Variants in SAMMSON observed in about 807,000 individuals in gnomAD.
The protein encoded by SAMMSON is survival associated mitochondrial melanoma specific oncogenic non-coding RNA, also known as long intergenic non-protein coding RNA 1212.
chr3:70,338,706 A>T (rs1702685828), intron 7 of SAMMSON, among the ~76,000 whole-genome samples: 1 of 152,146 alleles, frequency 6.6e-6, no homozygotes, highest in African/African-American at 2.4e-5. Context: ...GATATGAAGG[A>T]CCTCTTCAAG....
rs74410870 is a variant in SAMMSON, at chr3:70,322,457, T to C, written n.739+31214T>C. On this transcript the variant is annotated intron_variant and non_coding_transcript_variant, in intron 7 of 9. Coordinates refer to ENST00000642114, the Ensembl canonical transcript of SAMMSON. ...GTAGTTCCAAGATCTCCTCCCCAAA[T>C]AGGACAGACAACCATGCTTTCTTTC... is the stretch of plus-strand genomic sequence containing the variant. Among the ~76,000 whole-genome samples, 412 of 152,220 alleles carry C rather than the reference T, an allele frequency of 2.7e-3. 2 individuals carry two copies. The highest frequency in any genetic ancestry group is 4.8e-3 in the Non-Finnish European group (325 of 67,970).
At chr3:70,066,574 G>A (rs2067211035) in intron 3 of SAMMSON, among the ~76,000 whole-genome samples, 1 of 152,036 alleles carries the variant, frequency 6.6e-6, no homozygotes, top group Non-Finnish European at 1.5e-5. Flanking sequence ...AACTAAATTA[G>A]CATCATTTCC....
At chr3:70,240,388 T>A (rs1701655816) in intron 4 of SAMMSON, among the ~76,000 whole-genome samples, 1 of 152,106 alleles carries the variant, frequency 6.6e-6, no homozygotes, top group East Asian at 1.9e-4. Flanking sequence ...GTGAGCTATG[T>A]GGTTTTTTGT....
intron 4 of SAMMSON, among the ~76,000 whole-genome samples, chr3:70,084,476 T>C (rs1037774192): frequency 1.3e-5 from 2 of 152,212 alleles, no homozygotes; most frequent in Non-Finnish European, 2.9e-5. Context: ...AGATTATTTT[T>C]CTTCCTCATT....
chr3:70,394,011 A>AGCCCAGGTGAAGGGTAGTAGT (rs1559579845), downstream of SAMMSON, among the ~76,000 whole-genome samples: 1 of 152,160 alleles, frequency 6.6e-6, no homozygotes, highest in African/African-American at 2.4e-5. Context: ...CTTTCCAGTG[A>AGCCCAGGTGAAGGGTAGTAGT]GCCCAGGTGA....
At chr3:70,047,483 C>T (rs2067131313) in intron 3 of SAMMSON, among the ~76,000 whole-genome samples, 1 of 151,830 alleles carries the variant, frequency 6.6e-6, no homozygotes, top group Admixed American at 6.6e-5. Flanking sequence ...ACTACAGGCA[C>T]ACACCTCCAT....
At chr3:70,276,527 T>G (rs9310188) in intron 6 of SAMMSON, among the ~76,000 whole-genome samples, 2 of 152,006 alleles carry the variant, frequency 1.3e-5, no homozygotes, top group African/African-American at 4.8e-5. Flanking sequence ...ATTCATTCCA[T>G]GTTTATTTAG....
chr3:70,228,359 A>G (rs1701527785), intron 4 of SAMMSON, among the ~76,000 whole-genome samples: 1 of 152,070 alleles, frequency 6.6e-6, no homozygotes. Context: ...CAAGTAATTC[A>G]TCTTCAGGAT....
At chr3:70,056,778 T>C (rs2067169534) in intron 3 of SAMMSON, among the ~76,000 whole-genome samples, 1 of 152,030 alleles carries the variant, frequency 6.6e-6, no homozygotes. Context: ...ACAGCCCTAA[T>C]CCAGATACTC....
chr3:70,357,548 G>A (rs1486350243), intron 8 of SAMMSON, among the ~76,000 whole-genome samples: 3 of 151,954 alleles, frequency 2.0e-5, no homozygotes, highest in Non-Finnish European at 4.4e-5. Context: ...AGAGCACATG[G>A]ACACAGAGTG....
At chr3:70,296,660 AT>A (rs901898588) in intron 7 of SAMMSON, among the ~76,000 whole-genome samples, 7 of 152,080 alleles carry the variant, frequency 4.6e-5, no homozygotes, top group African/African-American at 1.7e-4. Flanking sequence ...CCCACAGCCA[AT>A]TACCAGCAAG....
At chr3:70,299,293 A>G (rs1455469378) in intron 7 of SAMMSON, among the ~76,000 whole-genome samples, 1 of 150,872 alleles carries the variant, frequency 6.6e-6, no homozygotes, top group Non-Finnish European at 1.5e-5. Context: ...TTGCATAATC[A>G]TATTTTATTA....
chr3:70,128,168 G>A (rs191652644), intron 4 of SAMMSON, among the ~76,000 whole-genome samples: 87 of 152,176 alleles, frequency 5.7e-4, no homozygotes, highest in Admixed American at 1.7e-3. Context: ...CTTGCCTTCC[G>A]GCTGATCCTG....
chr3:70,378,130 T>C (rs1703036581), intron 9 of SAMMSON, among the ~76,000 whole-genome samples: 1 of 151,048 alleles, frequency 6.6e-6, no homozygotes, highest in Admixed American at 6.6e-5. Context: ...TTTAGTTATA[T>C]ATAATTTATA....
intron 9 of SAMMSON, among the ~76,000 whole-genome samples, chr3:70,371,164 T>C (rs1055408299): frequency 6.6e-6 from 1 of 152,146 alleles, no homozygotes; most frequent in Non-Finnish European, 1.5e-5. Flanking sequence ...TTCTGTTCCA[T>C]TGGTCTTTGT....
At chr3:70,396,344 A>G (rs1701093387) in intron 2 of SAMMSON, among the ~76,000 whole-genome samples, 1 of 152,212 alleles carries the variant, frequency 6.6e-6, no homozygotes, top group Non-Finnish European at 1.5e-5. Context: ...TCATTCAGTG[A>G]CTAGTAATCA....
intron 7 of SAMMSON, among the ~76,000 whole-genome samples, chr3:70,327,891 G>A (rs1196838316): frequency 6.6e-6 from 1 of 152,166 alleles, no homozygotes; most frequent in Non-Finnish European, 1.5e-5. Context: ...ACAAGACAAT[G>A]TAAAGTGACA....
At chr3:70,047,033 G>A (rs2067129366) in intron 3 of SAMMSON, among the ~76,000 whole-genome samples, 1 of 151,980 alleles carries the variant, frequency 6.6e-6, no homozygotes, top group African/African-American at 2.4e-5. Flanking sequence ...ATTCCCTTTT[G>A]GCAGGTGAGG....
intron 7 of SAMMSON, among the ~76,000 whole-genome samples, chr3:70,305,375 A>G (rs1266933612): frequency 6.6e-6 from 1 of 152,232 alleles, no homozygotes; most frequent in Non-Finnish European, 1.5e-5. Flanking sequence ...CTGTGTTTAC[A>G]TAGTAAAAAG....
Sources: gnomAD v4.1 joint callset for allele counts (sites outside exome capture counted in the v4.1 genomes callset) on GRCh38, gnomAD v4.1.1 for gene constraint, MANE v1.5 for transcripts, NCBI Gene and HGNC (gene_info 2026-07-23, HGNC 2026-07-21) for gene names.